VNN1: variants seen among roughly 807,000 people sequenced by gnomAD.
VNN1 encodes the protein pantetheinase.
VNN1 carries 29 observed loss-of-function variants against 41.9 expected under a neutral mutation model. The observed-to-expected ratio is 0.69, with a 90% CI of 0.52 to 0.94. The LOEUF is 0.94. Among genes scored for constraint, VNN1 ranks in the 40% least tolerant of loss-of-function variants. VNN1 has a pLI of 0.00. For synonymous variants in VNN1, 233 were observed against 224.4 expected (o/e 1.04, Z -0.34); for missense variants, 637 against 621.1 (o/e 1.03, Z -0.27).
At chr6:132,703,163 A>C (rs898267023) in intron 2 of VNN1, among the ~76,000 whole-genome samples, 1 of 152,160 alleles carries the variant, frequency 6.6e-6, no homozygotes, top group African/African-American at 2.4e-5. Context: ...AATGCTAAAG[A>C]AATTTCTTCA....
intron 5 of VNN1, among the ~76,000 whole-genome samples, chr6:132,686,081 A>G (rs2114333091): frequency 6.6e-6 from 1 of 151,954 alleles, no homozygotes; most frequent in East Asian, 1.9e-4. Flanking sequence ...AAGTTCAGAT[A>G]CACAACAAAT....
At chr6:132,696,355 A>T (rs1778371427) in intron 2 of VNN1, among the ~76,000 whole-genome samples, 1 of 152,222 alleles carries the variant, frequency 6.6e-6, no homozygotes, top group Non-Finnish European at 1.5e-5. Context: ...TGTCCAACAC[A>T]TGCACTGTGG....
chr6:132,691,002 C>T (rs1396591689), intron 5 of VNN1, among the ~76,000 whole-genome samples: 6 of 152,080 alleles, frequency 3.9e-5, no homozygotes, highest in African/African-American at 9.7e-5. Context: ...GGGCTCGCCA[C>T]GGATAAAGGA....
chr6:132,687,345 C>G (rs950525887), intron 5 of VNN1, among the ~76,000 whole-genome samples: 1 of 152,212 alleles, frequency 6.6e-6, no homozygotes, highest in Non-Finnish European at 1.5e-5. Context: ...AAAAATCTTG[C>G]ATCCCGATCA....
chr6:132,700,431 G>A (rs1778434920), intron 2 of VNN1, among the ~76,000 whole-genome samples: 1 of 152,200 alleles, frequency 6.6e-6, no homozygotes, highest in Non-Finnish European at 1.5e-5. Context: ...CTGGCCACAT[G>A]CACAGCCACC....
intron 2 of VNN1, among the ~76,000 whole-genome samples, chr6:132,711,487 C>A (rs1393675398): frequency 6.6e-6 from 1 of 152,194 alleles, no homozygotes; most frequent in Non-Finnish European, 1.5e-5. Flanking sequence ...CAGAGATGTT[C>A]ACACTGAATG....
intron 2 of VNN1, among the ~76,000 whole-genome samples, chr6:132,700,285 A>G (rs1428594440): frequency 6.7e-6 from 1 of 149,164 alleles, no homozygotes; most frequent in African/African-American, 2.5e-5. Context: ...CATATATGAT[A>G]TATACTTGTC....
chr6:132,713,890 G>A lies in VNN1; in HGVS notation c.146C>T (p.Ala49Val). 1 of 1,613,886 alleles carries A rather than the reference G, an allele frequency of 6.2e-7. No individual in the cohort carries two copies. Among genetic ancestry groups the A allele is most frequent in the Non-Finnish European group, 8.5e-7 (1 of 1,180,020 alleles). Residue 49 changes from alanine (A) to valine (V), a missense_variant, in exon 1 of 7, where the codon GCT (alanine) becomes GTT (valine). Ala to Val is a moderately conservative substitution (Grantham distance 64, BLOSUM62 0). Transcript: ENST00000367928. The stretch of plus-strand genomic sequence containing the variant: ...CAGATTCCGATTCATTAATGCCAAA[G>A]CCTCCTCACGAGACACTGGTGTTAG... ...ATLTPVSREE[A>V]LALMNRNLDI...
intron 2 of VNN1, among the ~76,000 whole-genome samples, chr6:132,709,672 AAAAG>A (rs1470638657): frequency 6.6e-6 from 1 of 151,782 alleles, no homozygotes; most frequent in African/African-American, 2.4e-5. Context: ...AAAAAAAAAA[AAAAG>A]AGAGAGAGAG....
At chr6:132,690,414 C>A (rs371447017) in intron 5 of VNN1, among the ~76,000 whole-genome samples, 27 of 152,262 alleles carry the variant, frequency 1.8e-4, no homozygotes, top group African/African-American at 6.5e-4. Flanking sequence ...GCATCCACAC[C>A]CTTGTTCATG....
intron 5 of VNN1, among the ~76,000 whole-genome samples, chr6:132,687,586 C>A (rs1000790099): frequency 1.3e-5 from 2 of 151,910 alleles, no homozygotes; most frequent in African/African-American, 4.8e-5. Context: ...AACAAAGGAG[C>A]AAATAAAGGT....
intron 2 of VNN1, among the ~76,000 whole-genome samples, chr6:132,709,742 T>C (rs1194664470): frequency 6.6e-6 from 1 of 151,792 alleles, no homozygotes; most frequent in Non-Finnish European, 1.5e-5. Flanking sequence ...AAAACATAAA[T>C]GGGCAACCGT....
intron 2 of VNN1, among the ~76,000 whole-genome samples, chr6:132,701,518 T>C (rs1342757111): frequency 1.3e-5 from 2 of 152,196 alleles, no homozygotes; most frequent in Non-Finnish European, 2.9e-5. Flanking sequence ...TCACCACTTC[T>C]ATTCAACATC....
chr6:132,710,826 T>C (rs1356755043), intron 2 of VNN1, among the ~76,000 whole-genome samples: 2 of 152,242 alleles, frequency 1.3e-5, no homozygotes, highest in African/African-American at 4.8e-5. Flanking sequence ...AGTGCTGCAA[T>C]AAACATATGC....
intron 2 of VNN1, among the ~76,000 whole-genome samples, chr6:132,701,129 C>T (rs1013431609): frequency 6.6e-6 from 1 of 152,090 alleles, no homozygotes; most frequent in Non-Finnish European, 1.5e-5. Flanking sequence ...CACTGTGACT[C>T]TTTATTTCTA....
Position 132,692,405 on chromosome 6 carries a change from T to C in VNN1, c.1006A>G (p.Thr336Ala), listed in dbSNP as rs45562238. Reference sequence around the variant, plus strand: ...AAAGTGAATTCATCGAAAAAGACAGTGCCTTTAAATTCCTTGTTTCCTGAT... The same window carrying C: ...AAAGTGAATTCATCGAAAAAGACAGCGCCTTTAAATTCCTTGTTTCCTGAT... ...LSSGNKEFKG[T>A]VFFDEFTFVK... Residue 336 changes from threonine to alanine, a missense_variant, in exon 5 of 7, where the codon ACT (threonine) becomes GCT (alanine). By Grantham distance (58) the Thr-to-Ala change is moderately conservative (BLOSUM62 0). Transcript: ENST00000367928. 51,891 of 1,614,130 alleles carry C rather than the reference T, an allele frequency of 0.032. 1,066 individuals carry two copies. The highest frequency in any genetic ancestry group is 0.038 in the Non-Finnish European group (44,363 of 1,180,000).
chr6:132,697,441 T>A (rs1778390399), intron 2 of VNN1, among the ~76,000 whole-genome samples: 1 of 152,196 alleles, frequency 6.6e-6, no homozygotes, highest in African/African-American at 2.4e-5. Flanking sequence ...ATGGAAATCC[T>A]GGAGCATTTG....
In VNN1 at chr6:132,713,954, C is replaced by A; in HGVS notation, c.82G>T (p.Ala28Ser). 1 of 1,614,130 alleles carries A rather than the reference C, an allele frequency of 6.2e-7. No individual in the cohort carries two copies. Among genetic ancestry groups the A allele is most frequent in the Non-Finnish European group, 8.5e-7 (1 of 1,180,026 alleles). The stretch of plus-strand genomic sequence containing the variant: ...AATATCGCTGCATGCTCATAAACAG[C>A]TGCAGTGAAAGTGTCCTGGCAGCTG... ...RASCQDTFTA[A>S]VYEHAAILPN... Residue 28 changes from alanine to serine, a missense_variant, in exon 1 of 7, where the codon GCT becomes TCT. Ala to Ser is a moderately conservative substitution (Grantham distance 99). Transcript: ENST00000367928.
In VNN1 at chr6:132,693,274, C is replaced by T. The variant is rs45530734; in HGVS notation, c.576G>A (p.Lys192=). ...FMGENQFNVP[K]EPEIVTFNTT... ...TATTGAAAGTCACAATCTCAGGCTC[C>T]TTGGGTACATTGAATTGATTTTCAC... is the stretch of plus-strand genomic sequence containing the variant. Residue 192 remains lysine (K), a synonymous_variant, in exon 4 of 7, where the codon AAG becomes AAA. Transcript: ENST00000367928. 0.014 allele frequency: 22,259 copies of T among 1,612,860 alleles called. 195 individuals are homozygous for T. Among genetic ancestry groups the T allele is most frequent in the Non-Finnish European group, 0.016 (19,316 of 1,179,584 alleles).
Sources: allele counts gnomAD v4.1 joint callset (sites outside exome capture counted in the v4.1 genomes callset), GRCh38; gene constraint gnomAD v4.1.1; transcripts MANE v1.5; gene names NCBI Gene and HGNC (gene_info 2026-07-23, HGNC 2026-07-21).